ATP2B2: variants seen among roughly 807,000 people sequenced by gnomAD.
ATP2B2 encodes the protein plasma membrane calcium-transporting ATPase 2.
In ATP2B2, 15 loss-of-function variants were observed where a neutral mutation model predicts 120.0. The ratio of observed to expected loss-of-function variants is 0.12; its 90% CI spans 0.08 to 0.19. The LOEUF is 0.19. Ranked by LOEUF, ATP2B2 falls within the 10% of genes least tolerant of loss-of-function variation. The pLI, the probability that ATP2B2 is intolerant of heterozygous loss-of-function variation, is 1.00. For synonymous variants in ATP2B2, 694 were observed against 700.3 expected (o/e 0.99, Z 0.14); for missense variants, 1,045 against 1,719.8 (o/e 0.61, Z 6.94).
intron 1 of ATP2B2, among the ~76,000 whole-genome samples, chr3:10,472,913 T>C (rs2065069495): frequency 6.6e-6 from 1 of 152,236 alleles, no homozygotes; most frequent in South Asian, 2.1e-4. Context: ...GCCCCAGTTG[T>C]AGGATCTTCA....
At chr3:10,553,718 G>A (rs2067718565) in intron 2 of ATP2B2, among the ~76,000 whole-genome samples, 1 of 152,166 alleles carries the variant, frequency 6.6e-6, no homozygotes, top group Admixed American at 6.5e-5. Flanking sequence ...CGGAGTGGGT[G>A]GAGCTTGCTT....
chr3:10,486,291 GT>G (rs1318894041), intron 1 of ATP2B2, among the ~76,000 whole-genome samples: 1 of 151,532 alleles, frequency 6.6e-6, no homozygotes, highest in Non-Finnish European at 1.5e-5. Context: ...ATGACAATCT[GT>G]TTTTCAAACA....
intron 5 of ATP2B2, among the ~76,000 whole-genome samples, chr3:10,399,788 C>T (rs2062158298): frequency 1.3e-5 from 2 of 152,222 alleles, no homozygotes; most frequent in African/African-American, 2.4e-5. Flanking sequence ...TAGGAGGGCC[C>T]GTTCTCTACA....
intron 3 of ATP2B2, among the ~76,000 whole-genome samples, chr3:10,523,996 T>TG (rs549600628): frequency 1.3e-5 from 2 of 152,326 alleles, no homozygotes; most frequent in East Asian, 3.9e-4. Context: ...TGTTTAAAAA[T>TG]GGGGGGATTG....
intron 1 of ATP2B2, among the ~76,000 whole-genome samples, chr3:10,651,055 C>A (rs929641625): frequency 6.6e-6 from 1 of 152,182 alleles, no homozygotes; most frequent in Non-Finnish European, 1.5e-5. Context: ...GCCTGTACCC[C>A]CATTGTATCT....
At chr3:10,623,254 A>C (rs898531995) in intron 1 of ATP2B2, among the ~76,000 whole-genome samples, 2 of 151,848 alleles carry the variant, frequency 1.3e-5, no homozygotes, top group African/African-American at 2.4e-5. Context: ...TTTTTGTGGA[A>C]ATGGGATCTT....
At chr3:10,384,315 G>A (rs575907533) in intron 8 of ATP2B2, among the ~76,000 whole-genome samples, 7 of 152,280 alleles carry the variant, frequency 4.6e-5, no homozygotes, top group East Asian at 1.9e-4. Flanking sequence ...ATGCAGAGAC[G>A]GTGGGAAAAA....
intron 1 of ATP2B2, among the ~76,000 whole-genome samples, chr3:10,489,448 A>G (rs2065853088): frequency 6.6e-6 from 1 of 152,144 alleles, no homozygotes; most frequent in Non-Finnish European, 1.5e-5. Flanking sequence ...TCTATGGAGG[A>G]CTTGCATATG....
At chr3:10,399,172 G>A (rs961919056) in intron 5 of ATP2B2, among the ~76,000 whole-genome samples, 1 of 152,154 alleles carries the variant, frequency 6.6e-6, no homozygotes, top group African/African-American at 2.4e-5. Context: ...GACATACCTG[G>A]CCACTGCCCC....
chr3:10,449,403 C>A lies in ATP2B2; in HGVS notation c.141G>T (p.Lys47Asn). 2 of 1,614,252 alleles carry A rather than the reference C, an allele frequency of 1.2e-6. No individual in the cohort carries two copies. Residue 47 changes from lysine to asparagine, a missense_variant, in exon 2 of 23, where the codon AAG (lysine) becomes AAT (asparagine). By Grantham distance (94) the Lys-to-Asn change is moderately conservative. Around this residue, in one of 11 missense-constraint regions of ATP2B2, gnomAD observed 139 missense variants for 134.2 expected, o/e 1.04. Coordinates refer to ENST00000360273, the MANE Select transcript of ATP2B2 (RefSeq NM_001001331.4). ...LRGTEAVVKI[K>N]ETYGDTEAIC... ...TGGCTTCGGTGTCCCCATAAGTCTC[C>A]TTGATCTTGACCACAGCCTCAGTGC...
At chr3:10,332,538 C>A (rs1005538888) in intron 22 of ATP2B2, among the ~76,000 whole-genome samples, 2 of 152,182 alleles carry the variant, frequency 1.3e-5, no homozygotes, top group African/African-American at 4.8e-5. Flanking sequence ...CCCTTCTCCC[C>A]AGTCTTGGCC....
At chr3:10,566,332 G>T (rs1218185762) in intron 2 of ATP2B2, 2 of 152,206 alleles carry the variant, frequency 1.3e-5, no homozygotes, top group Admixed American at 6.5e-5. Context: ...CAGGGCCTTT[G>T]TTTCTATCCA....
intron 1 of ATP2B2, among the ~76,000 whole-genome samples, chr3:10,654,210 A>C (rs2070547236): frequency 6.6e-6 from 1 of 152,146 alleles, no homozygotes; most frequent in African/African-American, 2.4e-5. Context: ...CTCGGAACTT[A>C]AACCCTGGCA....
chr3:10,406,156 G>A (rs1042967940), intron 3 of ATP2B2, among the ~76,000 whole-genome samples: 1 of 152,238 alleles, frequency 6.6e-6, no homozygotes, highest in Non-Finnish European at 1.5e-5. Flanking sequence ...ACTCAAACGA[G>A]GGCTCCTGGC....
chr3:10,512,464 G>GCACACACACACACA lies in ATP2B2; in HGVS notation c.-320+21561_-320+21574dup, dbSNP rs6147706. Reference sequence around the variant, plus strand: ...TATTCCTGGGTGCTAAAGTGTGTGCGCACACACACACACACACACACACAC... The same window carrying GCACACACACACACA: ...TATTCCTGGGTGCTAAAGTGTGTGCGCACACACACACACACACACACACACACACACACACACAC... On this transcript the variant is annotated intron_variant, in intron 3 of 21. Transcript: ENST00000646379. Among the ~76,000 whole-genome samples the GCACACACACACACA allele has an allele frequency of 4.4e-5, 6 of 137,008 alleles. No individual in the cohort carries two copies. In the East Asian group the frequency reaches 6.8e-4, roughly 15 times the overall value. 89.9% of individuals were successfully genotyped at this position (137,008 alleles called of 152,430 possible).
At position 10,350,211 on chromosome 3, in the gene ATP2B2, T is replaced by TTG; in HGVS notation, c.2317-13_2317-12insCA. ...CGCTCCTGCTCAATCTGGAGAGGGATGGGGAAGGGGGCGGGTCGGTGGGGT... is the reference window on the plus strand; with the variant it reads ...CGCTCCTGCTCAATCTGGAGAGGGATTGGGGGAAGGGGGCGGGTCGGTGGGGT... On this transcript the variant is annotated splice_polypyrimidine_tract_variant and intron_variant, in intron 15 of 22. Transcript: ENST00000360273. 1.7e-6 allele frequency: 1 copy of TTG among 585,594 alleles called. No homozygotes were observed. The highest frequency in any genetic ancestry group is 2.6e-6 in the Non-Finnish European group (1 of 380,622). 36.3% of individuals were successfully genotyped at this position (585,594 alleles called of 1,614,324 possible).
intron 1 of ATP2B2, among the ~76,000 whole-genome samples, chr3:10,624,927 AC>A (rs1158411362): frequency 7.2e-5 from 11 of 151,964 alleles, no homozygotes; most frequent in African/African-American, 2.7e-4. Context: ...AAGATACCCG[AC>A]CCCCACCATG....
In ATP2B2 at chr3:10,443,234, C is replaced by A. The variant is rs184739854; in HGVS notation, c.199+6111G>T. The stretch of plus-strand genomic sequence containing the variant: ...CCATGCTCTCCTCAAGAGCAGGGAA[C>A]CTTTCTGATCTTCCTCCCCAGCACA... On this transcript the variant is annotated intron_variant, in intron 2 of 22. Transcript: ENST00000360273. Among the ~76,000 whole-genome samples, 3 of 152,280 alleles carry A rather than the reference C, an allele frequency of 2.0e-5. No homozygotes were observed. The East Asian group carries it at 5.8e-4, about 29-fold the overall frequency.
At chr3:10,394,411 A>G in intron 5 of ATP2B2, 3 of 469,828 alleles carry the variant, frequency 6.4e-6, no homozygotes, top group Non-Finnish European at 1.3e-5. Flanking sequence ...CAGCCCCTCC[A>G]CCCACCACTT....
Sources: gnomAD v4.1 joint callset for allele counts (sites outside exome capture counted in the v4.1 genomes callset) on GRCh38, gnomAD v4.1.1 for gene constraint, gnomAD v4.1.1 regional missense constraint, MANE v1.5 for transcripts, NCBI Gene and HGNC (gene_info 2026-07-23, HGNC 2026-07-21) for gene names.